Variants in SNTG1 observed in about 807,000 individuals in gnomAD.
SNTG1 encodes gamma-1-syntrophin.
A neutral mutation model predicts 74.7 loss-of-function variants in SNTG1; 39 were observed. The observed-to-expected ratio is 0.52, with a 90% confidence interval of 0.40 to 0.68. The LOEUF (loss-of-function observed/expected upper bound fraction) is 0.68, where lower values mean the gene tolerates loss of function less well. Among genes scored for constraint, SNTG1 ranks in the 30% least tolerant of loss-of-function variants. The pLI is 0.00. For synonymous variants in SNTG1, 254 were observed against 217.1 expected (o/e 1.17, Z -1.49); for missense variants, 685 against 609.5 (o/e 1.12, Z -1.30).
At chr8:50,075,412 T>C (rs1242038196) in intron 1 of SNTG1, among the ~76,000 whole-genome samples, 1 of 152,216 alleles carries the variant, frequency 6.6e-6, no homozygotes, top group Non-Finnish European at 1.5e-5. Flanking sequence ...GGTTCATGTA[T>C]GCACCAATCA....
chr8:50,564,160 T>C (rs993194), intron 12 of SNTG1, among the ~76,000 whole-genome samples: 130,537 of 151,660 alleles, frequency 0.86, 56,359 homozygotes, highest in East Asian at 0.94. Flanking sequence ...CTCCTTTCTG[T>C]TTCTCTCTGA....
intron 9 of SNTG1, among the ~76,000 whole-genome samples, chr8:50,521,461 T>A (rs1310020097): frequency 1.3e-5 from 2 of 152,144 alleles, no homozygotes; most frequent in Non-Finnish European, 2.9e-5. Context: ...CATCTGAACC[T>A]TCACTGATTT....
intron 17 of SNTG1, among the ~76,000 whole-genome samples, chr8:50,737,827 G>T (rs1340856954): frequency 6.6e-6 from 1 of 152,022 alleles, no homozygotes; most frequent in African/African-American, 2.4e-5. Context: ...TATCTCAGTA[G>T]ATGCAGAAAA....
At chr8:50,660,373 AGAAG>A (rs33952736) in intron 15 of SNTG1, among the ~76,000 whole-genome samples, 38,062 of 140,384 alleles carry the variant, frequency 0.27, 5,755 homozygotes, top group South Asian at 0.43. Flanking sequence ...AGAGAGAGAA[AGAAG>A]GAAGGAAGGA....
intron 2 of SNTG1, among the ~76,000 whole-genome samples, chr8:50,238,046 T>C (rs1331932548): frequency 6.6e-6 from 1 of 152,150 alleles, no homozygotes; most frequent in African/African-American, 2.4e-5. Flanking sequence ...GAGGAATCAA[T>C]ATTATTAAAA....
At chr8:50,084,966 G>C (rs1822745211) in intron 1 of SNTG1, among the ~76,000 whole-genome samples, 2 of 149,248 alleles carry the variant, frequency 1.3e-5, no homozygotes, top group African/African-American at 2.5e-5. Context: ...TCCAGTCTAT[G>C]GTATTCTGTT....
intron 13 of SNTG1, among the ~76,000 whole-genome samples, chr8:50,653,306 G>T (rs867136554): frequency 6.6e-6 from 1 of 152,022 alleles, no homozygotes; most frequent in Non-Finnish European, 1.5e-5. Context: ...GTGGTGGTGT[G>T]TGTGCCTGTA....
chr8:50,270,474 C>T (rs1334255782), intron 2 of SNTG1, among the ~76,000 whole-genome samples: 1 of 152,100 alleles, frequency 6.6e-6, no homozygotes, highest in Non-Finnish European at 1.5e-5. Context: ...GAATTCAACA[C>T]GAAAAATCTG....
chr8:50,350,066 G>A (rs1209332653), intron 2 of SNTG1, among the ~76,000 whole-genome samples: 12 of 152,182 alleles, frequency 7.9e-5, no homozygotes, highest in Admixed American at 6.5e-4. Context: ...CCTGGCCAGC[G>A]GCTGCAGAGG....
chr8:50,143,507 C>T (rs190053189), intron 1 of SNTG1, among the ~76,000 whole-genome samples: 38 of 152,270 alleles, frequency 2.5e-4, no homozygotes, highest in South Asian at 1.7e-3. Context: ...GTATTAAAGA[C>T]TTATTCATAT....
Position 50,572,183 on chromosome 8 carries a change from C to A in SNTG1, c.811-18696C>A, listed in dbSNP as rs534203330. Among the ~76,000 whole-genome samples, 19 of 151,966 alleles carry A rather than the reference C, an allele frequency of 1.3e-4. No homozygotes were observed. In the South Asian group the frequency reaches 3.7e-3, roughly 30 times the overall value. ...AGAAGATTCCCCTCCTTCTCATACT[C>A]CTATAGCATCTTGTTATAATACTCG... On this transcript the variant is annotated intron_variant, in intron 12 of 18. Transcript: ENST00000642720.
intron 1 of SNTG1, among the ~76,000 whole-genome samples, chr8:50,061,142 T>C (rs1254686548): frequency 1.3e-5 from 2 of 152,164 alleles, no homozygotes; most frequent in African/African-American, 4.8e-5. Context: ...TATTCAAATG[T>C]TGTGTAGAAT....
At chr8:50,463,033 T>G (rs2093580278) in intron 8 of SNTG1, among the ~76,000 whole-genome samples, 1 of 152,086 alleles carries the variant, frequency 6.6e-6, no homozygotes, top group Non-Finnish European at 1.5e-5. Context: ...GCCAGGCTGG[T>G]CTTGAACTCC....
At chr8:50,595,623 C>T (rs1268651252) in intron 13 of SNTG1, among the ~76,000 whole-genome samples, 3 of 151,920 alleles carry the variant, frequency 2.0e-5, no homozygotes, top group African/African-American at 7.2e-5. Context: ...GCTTTCTTTT[C>T]TAAATATATA....
At chr8:50,781,481 T>C (rs1467234772) in intron 18 of SNTG1, among the ~76,000 whole-genome samples, 3 of 134,426 alleles carry the variant, frequency 2.2e-5, no homozygotes, top group Non-Finnish European at 1.6e-5. Context: ...TCTCTTTTGA[T>C]CTTTGTTGGT....
chr8:50,727,504 A>G (rs1202126227), intron 17 of SNTG1, among the ~76,000 whole-genome samples: 1 of 152,078 alleles, frequency 6.6e-6, no homozygotes, highest in Non-Finnish European at 1.5e-5. Context: ...CCACAGCCCC[A>G]CTGGCTTTTT....
chr8:50,683,866 A>G (rs1019024122), intron 15 of SNTG1, among the ~76,000 whole-genome samples: 1 of 152,194 alleles, frequency 6.6e-6, no homozygotes, highest in Non-Finnish European at 1.5e-5. Context: ...TGATTTCATA[A>G]TTGTCCTCAA....
chr8:50,368,994 C>T (rs763998151), intron 2 of SNTG1, among the ~76,000 whole-genome samples: 11 of 152,248 alleles, frequency 7.2e-5, no homozygotes, highest in Non-Finnish European at 1.2e-4. Context: ...AAGTCTCATT[C>T]ATATCTTAGT....
chr8:50,024,093 T>C (rs1029025900), intron 1 of SNTG1, among the ~76,000 whole-genome samples: 6 of 152,166 alleles, frequency 3.9e-5, no homozygotes, highest in African/African-American at 1.4e-4. Context: ...GTGATGGCAA[T>C]GCAGTTGGTT....
Sources: allele counts gnomAD v4.1 joint callset (sites outside exome capture counted in the v4.1 genomes callset), GRCh38; gene constraint gnomAD v4.1.1; transcripts MANE v1.5; gene names NCBI Gene and HGNC (gene_info 2026-07-23, HGNC 2026-07-21).